EPHA6: variants seen among roughly 807,000 people sequenced by gnomAD.
EPHA6 encodes EPH receptor A6.
Under a neutral mutation model 112.0 loss-of-function variants are expected in EPHA6, and 50 were observed. The observed-to-expected ratio is 0.45, with a 90% CI of 0.36 to 0.56. The LOEUF (loss-of-function observed/expected upper bound fraction) is 0.56. Among genes scored for constraint, EPHA6 ranks in the 20% least tolerant of loss-of-function variants. The pLI is 0.00. For synonymous variants in EPHA6, 529 were observed against 490.7 expected (o/e 1.08, Z -1.03); for missense variants, 1,280 against 1,417.4 (o/e 0.90, Z 1.56).
intron 3 of EPHA6, among the ~76,000 whole-genome samples, chr3:97,089,936 GGA>G (rs1351462587): frequency 6.6e-6 from 1 of 151,890 alleles, no homozygotes; most frequent in Non-Finnish European, 1.5e-5. Context: ...CCTGAATAAG[GGA>G]TAAAGCAATA....
intron 10 of EPHA6, among the ~76,000 whole-genome samples, chr3:97,502,649 A>G (rs1055019656): frequency 2.7e-5 from 4 of 149,402 alleles, no homozygotes; most frequent in African/African-American, 7.4e-5. Flanking sequence ...CCTGGCCAAC[A>G]TGGTGAAACC....
intron 14 of EPHA6, among the ~76,000 whole-genome samples, chr3:97,645,961 G>C (rs571222508): frequency 1.5e-3 from 232 of 152,224 alleles, no homozygotes; most frequent in African/African-American, 5.2e-3. Flanking sequence ...AGACATGATA[G>C]ATAAAGGTTG....
intron 3 of EPHA6, among the ~76,000 whole-genome samples, chr3:97,151,876 T>C (rs1254796941): frequency 6.6e-6 from 1 of 152,008 alleles, no homozygotes; most frequent in Non-Finnish European, 1.5e-5. Context: ...CAGTATTAAG[T>C]ATGTATCGTA....
intron 3 of EPHA6, among the ~76,000 whole-genome samples, chr3:97,100,766 A>G (rs565366174): frequency 6.6e-6 from 1 of 152,018 alleles, no homozygotes; most frequent in African/African-American, 2.4e-5. Flanking sequence ...GTTTCCTATT[A>G]TTTCCCATTT....
chr3:97,559,851 G>A (rs2093164529), intron 11 of EPHA6, among the ~76,000 whole-genome samples: 1 of 151,816 alleles, frequency 6.6e-6, no homozygotes, highest in Non-Finnish European at 1.5e-5. Flanking sequence ...AGACAATAAA[G>A]TTTACCATAT....
At chr3:96,880,193 A>G (rs1345713120) in intron 2 of EPHA6, among the ~76,000 whole-genome samples, 1 of 152,144 alleles carries the variant, frequency 6.6e-6, no homozygotes, top group Non-Finnish European at 1.5e-5. Context: ...TGGATTTGCT[A>G]AATACCTTGA....
In EPHA6 at chr3:97,543,553, G is replaced by A. The variant is rs1014549397; in HGVS notation, c.2386+11010G>A. Among the ~76,000 whole-genome samples, 3 of 152,108 alleles carry A rather than the reference G, an allele frequency of 2.0e-5. No individual in the cohort carries two copies. In the South Asian group the frequency reaches 6.2e-4, roughly 32 times the overall value. ...TGCTGCCTCCAGCTTTGTTCTTTTG[G>A]CTTAGGATTGACTTGGCTATGTGGG... is the stretch of plus-strand genomic sequence containing the variant. On this transcript the variant is annotated intron_variant, in intron 11 of 17. Transcript: ENST00000389672.
intron 9 of EPHA6, chr3:97,481,545 A>G: frequency 1.3e-6 from 1 of 768,772 alleles, no homozygotes; most frequent in Non-Finnish European, 2.3e-6. Context: ...GGGTCCCTAG[A>G]GCCGCCGGGG....
chr3:97,226,057 C>T (rs533781121), intron 3 of EPHA6, among the ~76,000 whole-genome samples: 11 of 152,104 alleles, frequency 7.2e-5, no homozygotes, highest in South Asian at 2.1e-4. Flanking sequence ...AATTAGCAGC[C>T]TCAGCTAAAA....
intron 3 of EPHA6, among the ~76,000 whole-genome samples, chr3:97,023,818 G>A (rs2044545448): frequency 6.6e-6 from 1 of 152,068 alleles, no homozygotes; most frequent in Non-Finnish European, 1.5e-5. Context: ...CCTGAGTAAA[G>A]AATCATCCGT....
chr3:97,081,770 A>G (rs1576453371), intron 3 of EPHA6, among the ~76,000 whole-genome samples: 2 of 151,612 alleles, frequency 1.3e-5, no homozygotes, highest in African/African-American at 2.4e-5. Context: ...ATGATATACC[A>G]TAACAATAAT....
intron 4 of EPHA6, among the ~76,000 whole-genome samples, chr3:97,227,914 T>C (rs929780094): frequency 2.6e-5 from 4 of 152,190 alleles, no homozygotes; most frequent in African/African-American, 9.6e-5. Flanking sequence ...AGCTGGTTAG[T>C]TGTTATGTCT....
At chr3:97,395,608 G>C (rs1397125377) in intron 5 of EPHA6, among the ~76,000 whole-genome samples, 1 of 151,536 alleles carries the variant, frequency 6.6e-6, no homozygotes, top group Non-Finnish European at 1.5e-5. Flanking sequence ...TTAAAATTTT[G>C]TTCTGATTTG....
At chr3:97,659,462 C>G (rs533072297) in intron 14 of EPHA6, among the ~76,000 whole-genome samples, 7 of 151,970 alleles carry the variant, frequency 4.6e-5, no homozygotes, top group Non-Finnish European at 5.9e-5. Flanking sequence ...AAGAGGGCAA[C>G]TATGATTTCA....
At position 96,866,921 on chromosome 3, in the gene EPHA6, T is replaced by C. The variant is rs750557948; in HGVS notation, c.450+32T>C. Reference sequence around the variant, plus strand: ...TTAAATATCTGAAAAATTGCTGTCTTTTTTAGATTTTTAAGATCTCCTAAT... The same window carrying C: ...TTAAATATCTGAAAAATTGCTGTCTCTTTTAGATTTTTAAGATCTCCTAAT... On this transcript the variant is annotated intron_variant, in intron 2 of 17. Coordinates refer to ENST00000389672, the MANE Select transcript of EPHA6 (RefSeq NM_001080448.3). 22 of 1,290,928 alleles carry C rather than the reference T, an allele frequency of 1.7e-5. No homozygotes were observed. The South Asian group carries it at 3.1e-4, about 18-fold the overall frequency. 80.0% of individuals were successfully genotyped at this position (1,290,928 alleles called of 1,614,324 possible). A position where few individuals can be genotyped will look rare whatever the true frequency, so the allele number is the denominator to read the frequency against.
At chr3:97,531,921 A>T (rs1055460278) in intron 10 of EPHA6, among the ~76,000 whole-genome samples, 1 of 152,008 alleles carries the variant, frequency 6.6e-6, no homozygotes, top group Admixed American at 6.6e-5. Flanking sequence ...CTAACTGTCA[A>T]TGACGCCCAG....
At chr3:97,738,287 T>A (rs1182631777) in intron 16 of EPHA6, among the ~76,000 whole-genome samples, 1 of 151,934 alleles carries the variant, frequency 6.6e-6, no homozygotes, top group East Asian at 1.9e-4. Flanking sequence ...GAGAAAGAGC[T>A]AGTAGTGAGT....
At chr3:97,584,846 T>C (rs774606377) in intron 11 of EPHA6, among the ~76,000 whole-genome samples, 1 of 152,214 alleles carries the variant, frequency 6.6e-6, no homozygotes, top group Non-Finnish European at 1.5e-5. Flanking sequence ...ATGTGATTCA[T>C]GATAAACCAA....
intron 13 of EPHA6, among the ~76,000 whole-genome samples, chr3:97,627,404 C>A (rs1480394106): frequency 6.6e-6 from 1 of 151,624 alleles, no homozygotes; most frequent in African/African-American, 2.4e-5. Context: ...CAGAGAAGGT[C>A]TCACTGAAAC....
Sources: allele counts gnomAD v4.1 joint callset (sites outside exome capture counted in the v4.1 genomes callset), GRCh38; gene constraint gnomAD v4.1.1; transcripts MANE v1.5; gene names NCBI Gene and HGNC (gene_info 2026-07-23, HGNC 2026-07-21).